Variants in RCC1L observed in about 807,000 individuals in gnomAD.
RCC1L encodes RCC1 like.
RCC1L carries 46 observed loss-of-function variants against 58.6 expected under a neutral mutation model. The ratio of observed to expected loss-of-function variants is 0.79; its 90% CI spans 0.62 to 1.00. The LOEUF (loss-of-function observed/expected upper bound fraction) is 1.00. Ranked by LOEUF, RCC1L falls within the 50% of genes least tolerant of loss-of-function variation. RCC1L has a pLI of 0.00. For synonymous variants in RCC1L, 281 were observed against 262.9 expected (o/e 1.07, Z -0.67); for missense variants, 636 against 623.6 (o/e 1.02, Z -0.21).
chr7:75,058,804 C>T (rs887243990), intron 6 of RCC1L, 35 bp from the exon 7 acceptor site: 128 of 1,612,990 alleles, frequency 7.9e-5, no homozygotes, highest in Middle Eastern at 5.0e-4. Context: ...TTTAATTATT[C>T]GCTCTTTTAA....
intron 7 of RCC1L, chr7:75,058,287 A>T: frequency 2.7e-6 from 1 of 372,168 alleles, no homozygotes; most frequent in South Asian, 2.2e-5. Flanking sequence ...CCCAGGCTGG[A>T]ATGTGGTGGC....
Position 75,043,064 on chromosome 7 carries a change from G to A in RCC1L, c.1363C>T (p.His455Tyr). The A allele has an allele frequency of 1.2e-6, 2 of 1,614,042 alleles. No homozygotes were observed. Among genetic ancestry groups the A allele is most frequent in the South Asian group, 1.1e-5 (1 of 91,082 alleles). Reference sequence around the variant, plus strand: ...AATGACTTGGCCAGGGTCACCATGTGGTCCACGCCACATGCCACGTCCACA... The same window carrying A: ...AATGACTTGGCCAGGGTCACCATGTAGTCCACGCCACATGCCACGTCCACA... Reference protein sequence around the residue: ...EPVDVACGVDHMVTLAKSFI With the variant: ...EPVDVACGVDYMVTLAKSFI The change falls in exon 11 of 11, where the codon CAC becomes TAC. Residue 455 changes from histidine (H) to tyrosine (Y), a missense_variant. By Grantham distance (83) the His-to-Tyr change is moderately conservative. Coordinates refer to ENST00000610322, the MANE Select transcript of RCC1L (RefSeq NM_030798.5).
intron 10 of RCC1L, 56 bp downstream of exon 10, chr7:75,052,655 C>A: frequency 6.6e-7 from 1 of 1,523,938 alleles, no homozygotes; most frequent in Non-Finnish European, 9.0e-7. Context: ...TCTGCAGTGA[C>A]GTCAGGTGAC....
At chr7:75,056,241 A>C (rs1806077869) in intron 8 of RCC1L, among the ~76,000 whole-genome samples, 167 bp from the exon 9 acceptor site, 1 of 151,136 alleles carries the variant, frequency 6.6e-6, no homozygotes, top group Non-Finnish European at 1.5e-5. Context: ...GCAGACAGAG[A>C]TTTAGAATAA....
chr7:75,057,194 A>T (rs1806108029), intron 8 of RCC1L, among the ~76,000 whole-genome samples: 1 of 152,056 alleles, frequency 6.6e-6, no homozygotes, highest in Non-Finnish European at 1.5e-5. Flanking sequence ...GCTGGTCTTG[A>T]ACTCCTGACC....
chr7:75,056,193 T>C (rs1806076369), intron 8 of RCC1L, 119 bp from the exon 9 acceptor site: 7 of 1,229,836 alleles, frequency 5.7e-6, no homozygotes, highest in Admixed American at 4.1e-5. Flanking sequence ...TTGTTTTTTT[T>C]TTGTTTTGTT....
intron 1 of RCC1L, among the ~76,000 whole-genome samples, chr7:75,073,009 T>C (rs1390661125): frequency 6.6e-6 from 1 of 152,214 alleles, no homozygotes; most frequent in African/African-American, 2.4e-5. Flanking sequence ...CTGGTATACA[T>C]TTTCAATGGA....
At chr7:75,056,925 C>T (rs943050719) in intron 8 of RCC1L, among the ~76,000 whole-genome samples, 4,481 of 152,182 alleles carry the variant, frequency 0.029, 169 homozygotes, top group African/African-American at 0.086. Flanking sequence ...ACCTTTCTGC[C>T]TCAGCCTTCT....
At chr7:75,070,279 C>A (rs1806672231) in intron 2 of RCC1L, among the ~76,000 whole-genome samples, 1 of 152,040 alleles carries the variant, frequency 6.6e-6, no homozygotes, top group African/African-American at 2.4e-5. Context: ...TTCTTGAACA[C>A]CAAAGGGAGG....
chr7:75,060,063 C>G (rs587599337), intron 6 of RCC1L, among the ~76,000 whole-genome samples: 1 of 152,070 alleles, frequency 6.6e-6, no homozygotes, highest in Non-Finnish European at 1.5e-5. Context: ...CGCCCGGCCC[C>G]GATCTTTTTA....
At chr7:75,066,574 C>T (rs781812845) in intron 3 of RCC1L, 90 bp downstream of exon 3, 276 of 1,568,812 alleles carry the variant, frequency 1.8e-4, no homozygotes, top group Non-Finnish European at 2.2e-4. Flanking sequence ...GTGGCTCAAT[C>T]GATCAAGCCA....
intron 10 of RCC1L, among the ~76,000 whole-genome samples, chr7:75,049,819 C>T (rs1368627408): frequency 2.6e-5 from 4 of 152,076 alleles, no homozygotes; most frequent in African/African-American, 9.7e-5. Flanking sequence ...ACAGAGGCTG[C>T]AGTGAGCCGA....
chr7:75,029,448 A>G (rs1584482482), intron 10 of RCC1L, among the ~76,000 whole-genome samples: 1 of 146,802 alleles, frequency 6.8e-6, no homozygotes, highest in Non-Finnish European at 1.5e-5. Context: ...GGTTCAAGTG[A>G]TTCTCCTGCC....
chr7:75,029,018 A>AT (rs1805222968), intron 10 of RCC1L, among the ~76,000 whole-genome samples: 1 of 152,202 alleles, frequency 6.6e-6, no homozygotes, highest in Non-Finnish European at 1.5e-5. Flanking sequence ...CCAGGGTGAC[A>AT]TTTGTTCAGC....
chr7:75,054,989 G>C (rs1194585871), intron 9 of RCC1L, among the ~76,000 whole-genome samples: 2 of 152,300 alleles, frequency 1.3e-5, no homozygotes, highest in Non-Finnish European at 1.5e-5. Context: ...CAGACAATAA[G>C]TGAATAGCAG....
rs141362889 is a variant in RCC1L at position 75,069,544 on chromosome 7, G to C, written c.454+1096C>G. On this transcript the variant is annotated intron_variant, in intron 2 of 10. Coordinates refer to ENST00000610322, the MANE Select transcript of RCC1L (RefSeq NM_030798.5). The stretch of plus-strand genomic sequence containing the variant: ...CTTACTGTTCTCACAGTAATTTTTA[G>C]CTAATGTCTACTTTTCTGTTTGTTT... Among the ~76,000 whole-genome samples the C allele has an allele frequency of 7.9e-4, 120 of 151,202 alleles. No homozygotes were observed. In the Middle Eastern group the frequency reaches 0.01, roughly 13 times the overall value.
intron 10 of RCC1L, among the ~76,000 whole-genome samples, chr7:75,045,239 A>G (rs1805684888): frequency 6.6e-6 from 1 of 152,102 alleles, no homozygotes; most frequent in East Asian, 1.9e-4. Context: ...TTATAGAGAC[A>G]CAATCATAGC....
chr7:75,028,065 G>A lies in RCC1L; in HGVS notation c.1332C>T (p.Ser444=), dbSNP rs1316356138. ...GTGGGCCTGTTGTCTTGGCGCTGGC[G>A]GATGGGGCAGGTGCCTGGCGGGGGA... Residue 444 remains serine (S), a synonymous_variant, in exon 11 of 11, where the codon TCC becomes TCT. Transcript: ENST00000614461. 22 of 1,534,202 alleles carry A rather than the reference G, an allele frequency of 1.4e-5. No homozygotes were observed. In the East Asian group the frequency reaches 1.7e-4, roughly 12 times the overall value.
chr7:75,062,411 T>C, intron 5 of RCC1L, among the ~76,000 whole-genome samples: 1 of 152,118 alleles, frequency 6.6e-6, no homozygotes. Context: ...CACAGGGGGC[T>C]GAGGCAAGAT....
Sources: allele counts gnomAD v4.1 joint callset (sites outside exome capture counted in the v4.1 genomes callset), GRCh38; gene constraint gnomAD v4.1.1; transcripts MANE v1.5; gene names NCBI Gene and HGNC (gene_info 2026-07-23, HGNC 2026-07-21).